ULK4: variants seen among roughly 807,000 people sequenced by gnomAD.
ULK4 encodes inactive serine/threonine-protein kinase ULK4.
Under a neutral mutation model 160.6 loss-of-function variants are expected in ULK4, and 133 were observed. The observed-to-expected ratio is 0.83, with a 90% CI of 0.72 to 0.96. ULK4 has a LOEUF of 0.96. Among genes scored for constraint, ULK4 ranks in the 40% least tolerant of loss-of-function variants. ULK4 has a pLI of 0.00. For synonymous variants in ULK4, 534 were observed against 539.8 expected (o/e 0.99, Z 0.15); for missense variants, 1,580 against 1,499.5 (o/e 1.05, Z -0.89).
At chr3:41,553,853 T>C (rs1453388341) in intron 32 of ULK4, among the ~76,000 whole-genome samples, 1 of 152,136 alleles carries the variant, frequency 6.6e-6, no homozygotes, top group African/African-American at 2.4e-5. Flanking sequence ...TTTTAGTTAT[T>C]TTTAAACATA....
At chr3:41,473,661 C>CAAAAAAAAAAAAA (rs1294599838) in intron 32 of ULK4, among the ~76,000 whole-genome samples, 22 of 25,290 alleles carry the variant, frequency 8.7e-4, no homozygotes, top group African/African-American at 3.1e-3. Context: ...GATTCTGTCT[C>CAAAAAAAAAAAAA]AAAGAAAAAA....
At chr3:41,935,737 C>A in intron 4 of ULK4, 64 bp downstream of exon 4, 1 of 1,514,768 alleles carries the variant, frequency 6.6e-7, no homozygotes, top group Non-Finnish European at 8.9e-7. Context: ...ATAACAACAT[C>A]TTTGAGAAAG....
rs142840531 is a variant in ULK4 at position 41,373,764 on chromosome 3, G to T, written c.3678+24315C>A. Among the ~76,000 whole-genome samples the T allele has an allele frequency of 5.1e-4, 77 of 152,290 alleles. No homozygotes were observed. The East Asian group carries it at 0.014, about 27-fold the overall frequency. ...GAGCAAACAAATTCAAAAGCTAGCA[G>T]AAGGCAAGAAATAACTAAGGTCACA... On this transcript the variant is annotated intron_variant, in intron 35 of 36. Transcript: ENST00000301831.
chr3:41,526,158 G>C (rs907084982), intron 32 of ULK4, among the ~76,000 whole-genome samples: 4 of 151,126 alleles, frequency 2.6e-5, no homozygotes, highest in African/African-American at 9.7e-5. Context: ...GAGTGTGTTT[G>C]CATCTCTTAC....
At chr3:41,428,170 G>A (rs568444682) in intron 34 of ULK4, among the ~76,000 whole-genome samples, 3 of 152,234 alleles carry the variant, frequency 2.0e-5, no homozygotes, top group East Asian at 1.9e-4. Flanking sequence ...ATTCACAATT[G>A]TTACAAAGAG....
At chr3:41,736,026 A>C (rs1000946884) in intron 22 of ULK4, among the ~76,000 whole-genome samples, 3 of 151,346 alleles carry the variant, frequency 2.0e-5, no homozygotes, top group African/African-American at 7.3e-5. Flanking sequence ...TGAACTCATC[A>C]TTTTTTATGG....
chr3:41,782,195 C>A (rs2039865230), intron 21 of ULK4, among the ~76,000 whole-genome samples: 1 of 149,688 alleles, frequency 6.7e-6, no homozygotes, highest in Admixed American at 6.7e-5. Context: ...TATGTCTTTG[C>A]AAGGACTATC....
chr3:41,626,194 A>G (rs1452979073), intron 30 of ULK4, among the ~76,000 whole-genome samples: 1 of 152,246 alleles, frequency 6.6e-6, no homozygotes, highest in Admixed American at 6.5e-5. Flanking sequence ...GAATAAACTT[A>G]TAAAACCTTT....
intron 33 of ULK4, among the ~76,000 whole-genome samples, chr3:41,460,738 C>T (rs560866312): frequency 1.3e-5 from 2 of 152,212 alleles, no homozygotes; most frequent in East Asian, 1.9e-4. Context: ...GATACAGTAA[C>T]CACTTATTGG....
chr3:41,545,911 C>G (rs892536504), intron 32 of ULK4, among the ~76,000 whole-genome samples: 1 of 152,090 alleles, frequency 6.6e-6, no homozygotes, highest in African/African-American at 2.4e-5. Flanking sequence ...GTTTTAAGTA[C>G]TGAACTTTGC....
At chr3:41,864,593 C>T (rs2042575769) in intron 17 of ULK4, among the ~76,000 whole-genome samples, 1 of 152,004 alleles carries the variant, frequency 6.6e-6, no homozygotes, top group Admixed American at 6.6e-5. Flanking sequence ...TGCTGTACCC[C>T]AGAGTCAGAA....
intron 2 of ULK4, among the ~76,000 whole-genome samples, chr3:41,942,693 T>C (rs979031348): frequency 6.6e-6 from 1 of 151,950 alleles, no homozygotes; most frequent in Non-Finnish European, 1.5e-5. Context: ...GGCGCATGCC[T>C]GTAACCCCAG....
chr3:41,348,085 T>C (rs1214465450), intron 35 of ULK4, among the ~76,000 whole-genome samples: 5 of 151,538 alleles, frequency 3.3e-5, no homozygotes, highest in African/African-American at 4.8e-5. Context: ...GGCATGCATC[T>C]GTAGTCCCAG....
intron 27 of ULK4, among the ~76,000 whole-genome samples, chr3:41,688,424 C>T (rs2036170663): frequency 6.6e-6 from 1 of 152,136 alleles, no homozygotes; most frequent in Non-Finnish European, 1.5e-5. Context: ...GATGGTTTAT[C>T]AAAGGTACTT....
chr3:41,251,380 A>G (rs1374629363), intron 35 of ULK4, among the ~76,000 whole-genome samples: 3 of 152,238 alleles, frequency 2.0e-5, no homozygotes, highest in East Asian at 3.8e-4. Context: ...CAGAGAAAAC[A>G]CATGACACTC....
rs140730366 is a variant in ULK4, at chr3:41,552,463, T to C, written c.3226+13562A>G. On this transcript the variant is annotated intron_variant, in intron 32 of 36. Coordinates refer to ENST00000301831, the MANE Select transcript of ULK4 (RefSeq NM_017886.4). ...CAGTAGTCTTTTTATACACTAATAA[T>C]AAACTAGCTGAGGAAAAAAATCAAG... 2.8e-3 allele frequency among the ~76,000 whole-genome samples: 425 copies of C among 151,748 alleles called. 4 individuals carry two copies. Among genetic ancestry groups the C allele is most frequent in the African/African-American group, 9.7e-3 (403 of 41,444 alleles).
At position 41,957,714 on chromosome 3, in the gene ULK4, G is replaced by GA. The variant is rs781189734; in HGVS notation, c.-48-2908dup. 4.2e-3 allele frequency among the ~76,000 whole-genome samples: 552 copies of GA among 132,790 alleles called. 1 individual carries two copies. The highest frequency in any genetic ancestry group is 7.4e-3 in the Admixed American group (97 of 13,030). 87.1% of individuals were successfully genotyped at this position (132,790 alleles called of 152,430 possible). On this transcript the variant is annotated intron_variant, in intron 1 of 36. Transcript: ENST00000301831. ...GACAACAGGGTGAGACCATGTCTCA[G>GA]AAAAAAAAAAAAAATTAAAAATTAA... is the stretch of plus-strand genomic sequence containing the variant.
At chr3:41,960,151 G>C (rs1700619947) in intron 1 of ULK4, among the ~76,000 whole-genome samples, 1 of 151,672 alleles carries the variant, frequency 6.6e-6, no homozygotes, top group Non-Finnish European at 1.5e-5. Flanking sequence ...CCACCATCCA[G>C]CCCATCTTGA....
At chr3:41,482,196 A>G (rs1686563437) in intron 32 of ULK4, among the ~76,000 whole-genome samples, 1 of 152,220 alleles carries the variant, frequency 6.6e-6, no homozygotes, top group Admixed American at 6.5e-5. Flanking sequence ...TAACACAGGT[A>G]CCACCTAGTT....
Sources: gnomAD v4.1 joint callset for allele counts (sites outside exome capture counted in the v4.1 genomes callset) on GRCh38, gnomAD v4.1.1 for gene constraint, MANE v1.5 for transcripts, NCBI Gene and HGNC (gene_info 2026-07-23, HGNC 2026-07-21) for gene names.